The following FCHSD2 variants were observed in gnomAD, a reference collection of about 807,000 sequenced individuals.
FCHSD2 encodes F-BAR and double SH3 domains protein 2.
FCHSD2 carries 38 observed loss-of-function variants against 108.1 expected under a neutral mutation model. That is an observed-to-expected ratio of 0.35 (90% CI 0.27 to 0.46). The LOEUF (loss-of-function observed/expected upper bound fraction) is 0.46. Among genes scored for constraint, FCHSD2 ranks in the 20% least tolerant of loss-of-function variants. The pLI is 1.00. For missense variants in FCHSD2, 751 were observed against 897.8 expected (o/e 0.84, Z 2.09); for synonymous variants, 279 against 314.7 (o/e 0.89, Z 1.20).
chr11:72,871,176 C>T (rs992565503), intron 12 of FCHSD2, among the ~76,000 whole-genome samples: 10 of 152,188 alleles, frequency 6.6e-5, no homozygotes, highest in African/African-American at 2.4e-4. Context: ...CTGCTTTGCT[C>T]CAACAGCCAT....
Position 72,966,459 on chromosome 11 carries a change from C to G in FCHSD2, c.705+17629G>C, listed in dbSNP as rs116923077. Among the ~76,000 whole-genome samples the G allele has an allele frequency of 8.4e-3, 1,272 of 152,272 alleles. 74 individuals are homozygous for G. In the East Asian group the frequency reaches 0.14, roughly 16 times the overall value. The stretch of plus-strand genomic sequence containing the variant: ...ACAAGTGTGAACCACCACACCCGGA[C>G]TAAACTGAGCATATTACTTTGTTAT... On this transcript the variant is annotated intron_variant, in intron 8 of 19. Coordinates refer to ENST00000409418, the MANE Select transcript of FCHSD2 (RefSeq NM_014824.3).
At chr11:73,104,320 G>A (rs977571286) in intron 2 of FCHSD2, among the ~76,000 whole-genome samples, 7 of 152,216 alleles carry the variant, frequency 4.6e-5, no homozygotes, top group South Asian at 2.1e-4. Context: ...AGGCTGGAGC[G>A]CAGTGGTGCG....
At chr11:73,105,398 C>A (rs1422033421) in intron 2 of FCHSD2, among the ~76,000 whole-genome samples, 1 of 152,088 alleles carries the variant, frequency 6.6e-6, no homozygotes, top group Non-Finnish European at 1.5e-5. Context: ...TATAAGACAC[C>A]ACCATGCCCC....
chr11:72,966,936 C>T (rs555711610), intron 8 of FCHSD2, among the ~76,000 whole-genome samples: 7 of 152,148 alleles, frequency 4.6e-5, no homozygotes, highest in South Asian at 4.2e-4. Context: ...CGGTGGCTCA[C>T]GCCTGTAATC....
At chr11:72,943,040 G>A (rs1159308023) in intron 8 of FCHSD2, among the ~76,000 whole-genome samples, 10 of 152,120 alleles carry the variant, frequency 6.6e-5, no homozygotes, top group Non-Finnish European at 1.5e-4. Context: ...TGCTCACGCT[G>A]GAGTGCAATG....
intron 3 of FCHSD2, among the ~76,000 whole-genome samples, chr11:73,029,865 A>T (rs1858317832): frequency 1.3e-5 from 2 of 152,232 alleles, no homozygotes. Flanking sequence ...GAAGACCTTA[A>T]GTTTACATCT....
intron 8 of FCHSD2, among the ~76,000 whole-genome samples, chr11:72,925,468 G>A (rs1194655028): frequency 6.6e-6 from 1 of 152,146 alleles, no homozygotes; most frequent in East Asian, 1.9e-4. Context: ...TGAATCTGCA[G>A]TGATCTATGA....
chr11:72,937,574 A>G, intron 8 of FCHSD2, among the ~76,000 whole-genome samples: 1 of 152,118 alleles, frequency 6.6e-6, no homozygotes, highest in East Asian at 1.9e-4. Flanking sequence ...CCATCTCCTG[A>G]CCTCATGATC....
In FCHSD2 at chr11:73,126,339, T is replaced by TAAAAAAAAAAAAAA. The variant is rs61586562; in HGVS notation, c.119+13678_119+13691dup. The stretch of plus-strand genomic sequence containing the variant: ...TGGGCAACAGGGCAAGATTCCATCT[T>TAAAAAAAAAAAAAA]AAAAAAAAAAAAAAAAAAAAAAAAA... On this transcript the variant is annotated intron_variant, in intron 2 of 19. Coordinates refer to ENST00000409418, the MANE Select transcript of FCHSD2 (RefSeq NM_014824.3). Among the ~76,000 whole-genome samples the TAAAAAAAAAAAAAA allele has an allele frequency of 4.1e-3, 113 of 27,614 alleles. 4 individuals are homozygous for TAAAAAAAAAAAAAA. Among genetic ancestry groups the TAAAAAAAAAAAAAA allele is most frequent in the Non-Finnish European group, 6.3e-3 (71 of 11,228 alleles). The allele number at this position is 27,614 out of a possible 152,430, so 18.1% of individuals were successfully genotyped here.
intron 10 of FCHSD2, among the ~76,000 whole-genome samples, chr11:72,895,530 A>T (rs552316608): frequency 6.6e-6 from 1 of 152,302 alleles, no homozygotes; most frequent in Admixed American, 6.5e-5. Context: ...ATCACAAGCT[A>T]GATAGGGGAA....
At chr11:73,058,008 T>C (rs1859069674) in intron 3 of FCHSD2, among the ~76,000 whole-genome samples, 1 of 151,540 alleles carries the variant, frequency 6.6e-6, no homozygotes, top group African/African-American at 2.4e-5. Flanking sequence ...GCTTCCCGAG[T>C]AGCTGGGACT....
intron 6 of FCHSD2, among the ~76,000 whole-genome samples, chr11:72,988,665 T>C (rs1857354963): frequency 6.6e-6 from 1 of 152,216 alleles, no homozygotes; most frequent in Non-Finnish European, 1.5e-5. Context: ...ACCATAGCAG[T>C]GACTTCAGGC....
intron 13 of FCHSD2, among the ~76,000 whole-genome samples, chr11:72,855,319 A>G (rs2135179422): frequency 6.6e-6 from 1 of 151,732 alleles, no homozygotes; most frequent in African/African-American, 2.4e-5. Flanking sequence ...AACAAAAAAG[A>G]CCAAAAAGTT....
chr11:73,119,367 T>A (rs1258177560), intron 2 of FCHSD2, among the ~76,000 whole-genome samples: 1 of 152,168 alleles, frequency 6.6e-6, no homozygotes, highest in Non-Finnish European at 1.5e-5. Flanking sequence ...ATGTAACTAG[T>A]GTATTAATCA....
intron 8 of FCHSD2, among the ~76,000 whole-genome samples, chr11:72,931,271 GTTT>G (rs143086970): frequency 7.9e-6 from 1 of 126,542 alleles, no homozygotes; most frequent in Non-Finnish European, 1.6e-5. Context: ...ATTTTTGTGG[GTTT>G]TTTTTTTTTT....
chr11:72,897,319 T>TAAAA (rs140771439), intron 10 of FCHSD2, among the ~76,000 whole-genome samples: 1 of 124,862 alleles, frequency 8.0e-6, no homozygotes, highest in Non-Finnish European at 1.7e-5. Flanking sequence ...TTAAAAAGAG[T>TAAAA]AAAAAAAAAA....
chr11:73,082,335 C>CAAAAAAAAAAAAAAAAAAAAA (rs750423401), intron 3 of FCHSD2, among the ~76,000 whole-genome samples: 1 of 34,462 alleles, frequency 2.9e-5, no homozygotes, highest in African/African-American at 1.1e-4. Flanking sequence ...AGACTTGTCC[C>CAAAAAAAAAAAAAAAAAAAAA]AAAAAAAAAA....
chr11:72,986,360 C>A (rs552756529), intron 6 of FCHSD2, among the ~76,000 whole-genome samples: 1 of 152,232 alleles, frequency 6.6e-6, no homozygotes, highest in South Asian at 2.1e-4. Flanking sequence ...CAGGCGCCTG[C>A]CACCACGCCC....
At chr11:72,931,688 C>G (rs1053168419) in intron 8 of FCHSD2, among the ~76,000 whole-genome samples, 1 of 151,834 alleles carries the variant, frequency 6.6e-6, no homozygotes, top group African/African-American at 2.4e-5. Context: ...TTGCTTGGAC[C>G]CGGGAGGTGG....
Sources: gnomAD v4.1 joint callset for allele counts (sites outside exome capture counted in the v4.1 genomes callset) on GRCh38, gnomAD v4.1.1 for gene constraint, MANE v1.5 for transcripts, NCBI Gene and HGNC (gene_info 2026-07-23, HGNC 2026-07-21) for gene names.